The following CTXND1 variants were observed in gnomAD, a reference collection of about 807,000 sequenced individuals.
The protein encoded by CTXND1 is cortexin domain-containing 1 protein.
intron 1 of CTXND1, among the ~76,000 whole-genome samples, chr15:80,238,008 C>CAAAAAAAA (rs57718635): frequency 4.2e-4 from 32 of 77,082 alleles, no homozygotes; most frequent in African/African-American, 1.6e-3. Flanking sequence ...GACTCCATCT[C>CAAAAAAAA]AAAAAAAAAA....
At chr15:80,241,590 T>C (rs1263756740) in intron 1 of CTXND1, among the ~76,000 whole-genome samples, 1 of 152,214 alleles carries the variant, frequency 6.6e-6, no homozygotes, top group Non-Finnish European at 1.5e-5. Context: ...TCCTTTGCTT[T>C]GCTCTGCAGG....
intron 1 of CTXND1, among the ~76,000 whole-genome samples, chr15:80,211,386 G>A (rs1863828337): frequency 6.6e-6 from 1 of 152,196 alleles, no homozygotes. Flanking sequence ...AAGGTGACCT[G>A]TCAGAATCAC....
intron 1 of CTXND1, among the ~76,000 whole-genome samples, chr15:80,234,326 C>A (rs1290210386): frequency 6.6e-6 from 1 of 151,940 alleles, no homozygotes; most frequent in Non-Finnish European, 1.5e-5. Flanking sequence ...TTATTTTCAT[C>A]CAAGCGATGG....
intron 1 of CTXND1, among the ~76,000 whole-genome samples, chr15:80,212,032 G>A (rs1893209007): frequency 6.6e-6 from 1 of 152,322 alleles, no homozygotes; most frequent in African/African-American, 2.4e-5. Context: ...TAGGAGTTAT[G>A]TTACCCTGGG....
At chr15:80,211,416 G>A (rs1020557146) in intron 1 of CTXND1, among the ~76,000 whole-genome samples, 1 of 152,142 alleles carries the variant, frequency 6.6e-6, no homozygotes, top group Non-Finnish European at 1.5e-5. Flanking sequence ...CTGACAAATG[G>A]GTTAAATGGA....
intron 1 of CTXND1, among the ~76,000 whole-genome samples, chr15:80,216,700 T>C (rs1157650995): frequency 6.6e-6 from 1 of 152,114 alleles, no homozygotes; most frequent in Non-Finnish European, 1.5e-5. Flanking sequence ...TGGCAAACTC[T>C]GCCTCCTGGG....
chr15:80,220,169 C>T (rs142235163), intron 1 of CTXND1, among the ~76,000 whole-genome samples: 10,003 of 140,470 alleles, frequency 0.071, 425 homozygotes, highest in East Asian at 0.12. Context: ...ATCTATCTAT[C>T]TATTTATCTA....
At chr15:80,216,858 A>T (rs979901534) in intron 1 of CTXND1, among the ~76,000 whole-genome samples, 5 of 152,092 alleles carry the variant, frequency 3.3e-5, no homozygotes, top group African/African-American at 1.2e-4. Flanking sequence ...CAAATGATCC[A>T]CCTGCCTTGG....
intron 1 of CTXND1, among the ~76,000 whole-genome samples, chr15:80,209,872 C>T (rs986120136): frequency 2.0e-5 from 3 of 152,160 alleles, no homozygotes; most frequent in Admixed American, 1.3e-4. Context: ...CTTGGGCAAG[C>T]CTAATTTAGA....
intron 1 of CTXND1, among the ~76,000 whole-genome samples, chr15:80,244,816 G>A (rs373410466): frequency 3.9e-5 from 6 of 151,972 alleles, no homozygotes; most frequent in African/African-American, 9.7e-5. Flanking sequence ...TAACACCGTC[G>A]GCACCTTAAA....
At chr15:80,212,702 A>G (rs568434168) in intron 1 of CTXND1, among the ~76,000 whole-genome samples, 11 of 152,244 alleles carry the variant, frequency 7.2e-5, no homozygotes, top group African/African-American at 2.7e-4. Flanking sequence ...CACGACATAT[A>G]TGGGAGATCC....
intron 1 of CTXND1, among the ~76,000 whole-genome samples, chr15:80,250,435 G>C (rs997952537): frequency 1.7e-4 from 26 of 152,028 alleles, no homozygotes; most frequent in Non-Finnish European, 3.2e-4. Context: ...GTAATGGCGA[G>C]AAATTTGCTA....
intron 1 of CTXND1, among the ~76,000 whole-genome samples, chr15:80,235,050 T>G (rs973902138): frequency 4.6e-5 from 7 of 152,120 alleles, no homozygotes; most frequent in African/African-American, 1.7e-4. Context: ...GACTTCTCTG[T>G]GTCTTGCAAC....
chr15:80,251,769 T>A (rs1277675154), intron 1 of CTXND1, among the ~76,000 whole-genome samples: 6 of 151,240 alleles, frequency 4.0e-5, no homozygotes, highest in Non-Finnish European at 4.4e-5. Context: ...GCCGCGCGGG[T>A]CCGGCCCTCC....
At chr15:80,243,438 C>T (rs918975211) in intron 1 of CTXND1, among the ~76,000 whole-genome samples, 5 of 152,216 alleles carry the variant, frequency 3.3e-5, no homozygotes, top group South Asian at 4.1e-4. Flanking sequence ...CGGCCACTCA[C>T]GGGGTGAGTG....
chr15:80,215,741 T>C (rs532757341), intron 1 of CTXND1, among the ~76,000 whole-genome samples: 1 of 152,324 alleles, frequency 6.6e-6, no homozygotes, highest in East Asian at 1.9e-4. Context: ...ACCATTCCTC[T>C]CTTAAGAGCC....
intron 1 of CTXND1, among the ~76,000 whole-genome samples, chr15:80,225,776 T>G (rs776480399): frequency 3.9e-5 from 6 of 152,232 alleles, no homozygotes; most frequent in Non-Finnish European, 8.8e-5. Context: ...TAGAATTTAA[T>G]CTTTCCCTCT....
intron 1 of CTXND1, among the ~76,000 whole-genome samples, chr15:80,240,050 C>T (rs763063306): frequency 2.0e-5 from 3 of 152,232 alleles, no homozygotes; most frequent in African/African-American, 4.8e-5. Context: ...ACCGCAACCT[C>T]CGTCTCCCAG....
chr15:80,248,366 C>T (rs550382509), intron 1 of CTXND1, among the ~76,000 whole-genome samples: 24 of 152,198 alleles, frequency 1.6e-4, no homozygotes, highest in African/African-American at 3.1e-4. Context: ...GATGATCCTA[C>T]GGCTTATAGG....
Sources: allele counts gnomAD v4.1 joint callset (sites outside exome capture counted in the v4.1 genomes callset), GRCh38; gene constraint gnomAD v4.1.1; transcripts MANE v1.5; gene names NCBI Gene and HGNC (gene_info 2026-07-23, HGNC 2026-07-21).